Variants in FLT3 observed in about 807,000 individuals in gnomAD.
The protein encoded by FLT3 is receptor-type tyrosine-protein kinase FLT3.
FLT3 carries 46 observed loss-of-function variants against 126.6 expected under a neutral mutation model. The ratio of observed to expected loss-of-function variants is 0.36; its 90% CI spans 0.29 to 0.46. The LOEUF is 0.46. Ranked by LOEUF, FLT3 falls within the 20% of genes least tolerant of loss-of-function variation. The probability of loss-of-function intolerance (pLI) is 1.00; values close to 1 mark genes in which losing one functional copy is unlikely to be tolerated. For missense variants in FLT3, 1,069 were observed against 1,190.3 expected (o/e 0.90, Z 1.50); for synonymous variants, 404 against 434.4 (o/e 0.93, Z 0.87).
chr13:28,041,570 T>C (rs920524485), intron 9 of FLT3, among the ~76,000 whole-genome samples: 2 of 152,184 alleles, frequency 1.3e-5, no homozygotes, highest in African/African-American at 4.8e-5. Context: ...GTCACATAAA[T>C]AGCAGGAACA....
intron 1 of FLT3, among the ~76,000 whole-genome samples, chr13:28,086,222 T>C (rs1428609037): frequency 6.6e-6 from 1 of 152,238 alleles, no homozygotes; most frequent in East Asian, 1.9e-4. Context: ...TTCCACTTTA[T>C]TTCCTTTTGT....
rs748392919 is a variant in FLT3, at chr13:28,035,558, C to T, written c.1534G>A (p.Val512Ile). ...AGGGAATTGTATGCACAGCACTTGA[C>T]CAGGAACCCTTTTATGGCTTCACTC... ...NMSEAIKGFL[V>I]KCCAYNSLGT... Residue 512 changes from valine (V) to isoleucine (I), a missense_variant, in exon 12 of 24, where the codon GTC (valine) becomes ATC (isoleucine). Coordinates refer to ENST00000241453, the MANE Select transcript of FLT3 (RefSeq NM_004119.3). 1.2e-6 allele frequency: 2 copies of T among 1,614,044 alleles called. No individual in the cohort carries two copies. Among genetic ancestry groups the T allele is most frequent in the African/African-American group, 1.3e-5 (1 of 74,918 alleles).
At chr13:28,058,130 T>C (rs1266661950) in intron 3 of FLT3, among the ~76,000 whole-genome samples, 2 of 146,784 alleles carry the variant, frequency 1.4e-5, no homozygotes, top group African/African-American at 5.0e-5. Context: ...AGGCCAAGGC[T>C]GGCAGATCAC....
intron 1 of FLT3, among the ~76,000 whole-genome samples, chr13:28,095,796 C>G (rs1879413614): frequency 6.6e-6 from 1 of 152,016 alleles, no homozygotes; most frequent in African/African-American, 2.4e-5. Flanking sequence ...GAGTGTCATG[C>G]AAGGATGAGA....
At chr13:28,030,637 G>A (rs56160015) in intron 15 of FLT3, among the ~76,000 whole-genome samples, 25,234 of 152,036 alleles carry the variant, frequency 0.17, 2,295 homozygotes, top group Admixed American at 0.23. Context: ...TGAGACAAGC[G>A]GGAGAATTGC....
At chr13:28,012,667 G>A (rs1173241818) in intron 23 of FLT3, among the ~76,000 whole-genome samples, 1 of 152,112 alleles carries the variant, frequency 6.6e-6, no homozygotes, top group African/African-American at 2.4e-5. Flanking sequence ...AGGCGTGGTG[G>A]CTCATGCCTG....
At chr13:28,036,841 A>C (rs528168337) in intron 10 of FLT3, among the ~76,000 whole-genome samples, 42 of 152,122 alleles carry the variant, frequency 2.8e-4, no homozygotes, top group Non-Finnish European at 4.4e-4. Context: ...TTAGCTGAGC[A>C]TGGTGGCGCG....
At chr13:28,065,831 G>GTAATAATAATAA (rs59880929) in intron 2 of FLT3, among the ~76,000 whole-genome samples, 1 of 126,846 alleles carries the variant, frequency 7.9e-6, no homozygotes, top group African/African-American at 3.1e-5. Context: ...TTGTCTCAAA[G>GTAATAATAATAA]TAATAATAAT....
intron 4 of FLT3, among the ~76,000 whole-genome samples, chr13:28,053,719 A>C (rs947509632): frequency 6.6e-6 from 1 of 151,156 alleles, no homozygotes; most frequent in African/African-American, 2.4e-5. Flanking sequence ...ATCCAACCTT[A>C]TGTTTTTAAA....
chr13:28,067,103 A>G (rs111861564), intron 2 of FLT3, among the ~76,000 whole-genome samples: 3,028 of 152,080 alleles, frequency 0.02, 86 homozygotes, highest in African/African-American at 0.068. Flanking sequence ...GCTCACCGCA[A>G]CCTCCGCCTC....
At chr13:28,092,907 A>G (rs778477893) in intron 1 of FLT3, among the ~76,000 whole-genome samples, 2 of 145,080 alleles carry the variant, frequency 1.4e-5, no homozygotes, top group Non-Finnish European at 3.0e-5. Context: ...AAATCCATCC[A>G]GAGACTACTT....
At chr13:28,053,516 TCTA>T (rs1042335814) in intron 4 of FLT3, among the ~76,000 whole-genome samples, 1 of 151,738 alleles carries the variant, frequency 6.6e-6, no homozygotes, top group African/African-American at 2.4e-5. Flanking sequence ...TACCTTTTGA[TCTA>T]CTTTTATGCT....
Position 28,041,881 on chromosome 13 carries a change from G to C in FLT3, c.1206-4593C>G, listed in dbSNP as rs545008847. On this transcript the variant is annotated intron_variant, in intron 9 of 23. Transcript: ENST00000241453. Reference sequence around the variant, plus strand: ...GAAAAGGGGTTTCTTGGCTGGGAACGATGGCTCACGCCTGCAATCCCAACA... The same window carrying C: ...GAAAAGGGGTTTCTTGGCTGGGAACCATGGCTCACGCCTGCAATCCCAACA... Among the ~76,000 whole-genome samples the C allele has an allele frequency of 3.3e-5, 5 of 152,254 alleles. No homozygotes were observed. In the South Asian group the frequency reaches 1.0e-3, roughly 32 times the overall value.
chr13:28,016,290 G>T (rs1269572551), intron 20 of FLT3, among the ~76,000 whole-genome samples: 1 of 150,454 alleles, frequency 6.6e-6, no homozygotes, highest in Admixed American at 6.6e-5. Flanking sequence ...TTTTTTTTGA[G>T]ACGGAGTTTC....
intron 23 of FLT3, among the ~76,000 whole-genome samples, chr13:28,011,761 T>C: frequency 6.6e-6 from 1 of 150,636 alleles, no homozygotes. Context: ...CTCTTTCTCT[T>C]TCTTTCCTTC....
intron 11 of FLT3, 89 bp downstream of exon 11, chr13:28,035,846 A>G: frequency 7.9e-7 from 1 of 1,259,520 alleles, no homozygotes; most frequent in African/African-American, 1.5e-5. Context: ...ATATTTCATC[A>G]TTTCCTCTTA....
chr13:28,042,985 G>A (rs920192943), intron 9 of FLT3, among the ~76,000 whole-genome samples: 2 of 151,878 alleles, frequency 1.3e-5, no homozygotes, highest in Non-Finnish European at 1.5e-5. Flanking sequence ...TTCTGAGCAG[G>A]ACCCTGGCTC....
intron 2 of FLT3, among the ~76,000 whole-genome samples, chr13:28,066,864 C>T: frequency 6.6e-6 from 1 of 152,142 alleles, no homozygotes; most frequent in East Asian, 1.9e-4. Flanking sequence ...TGCATCCCCT[C>T]CAAGACACTT....
At chr13:28,024,788 T>C in intron 18 of FLT3, 73 bp downstream of exon 18, 1 of 1,083,040 alleles carries the variant, frequency 9.2e-7, no homozygotes, top group Non-Finnish European at 1.4e-6. Flanking sequence ...TACACACTTT[T>C]AAAAAATAGC....
Sources: allele counts gnomAD v4.1 joint callset (sites outside exome capture counted in the v4.1 genomes callset), GRCh38; gene constraint gnomAD v4.1.1; transcripts MANE v1.5; gene names NCBI Gene and HGNC (gene_info 2026-07-23, HGNC 2026-07-21).